PRRG1: variants seen among roughly 807,000 people sequenced by gnomAD.
PRRG1 encodes proline rich and Gla domain 1.
In PRRG1, 5 loss-of-function variants were observed where a neutral mutation model predicts 11.8. The observed-to-expected ratio is 0.42, with a 90% CI of 0.22 to 0.89. PRRG1 has a LOEUF of 0.89. PRRG1 is among the 40% of genes least tolerant of loss of function. The pLI, the probability that PRRG1 is intolerant of heterozygous loss-of-function variation, is 0.28. For missense variants in PRRG1, 155 were observed against 166.1 expected, an observed-to-expected ratio of 0.93 and a Z score of 0.37; for synonymous variants, 66 against 60.4, an observed-to-expected ratio of 1.09 and a Z score of -0.43.
At chrX:37,431,505 A>G (rs1220222126) in intron 3 of PRRG1, among the ~76,000 whole-genome samples, 2 of 111,474 alleles carry the variant, frequency 1.8e-5, no homozygotes, top group African/African-American at 3.3e-5. Context: ...CATGATATTG[A>G]ACATCTTTTT....
chrX:37,445,847 C>T, intron 3 of PRRG1, among the ~76,000 whole-genome samples: 1 of 112,689 alleles, frequency 8.9e-6, no homozygotes, highest in Non-Finnish European at 1.9e-5. Flanking sequence ...AGAACAGATG[C>T]ATGGCCGTTG....
chrX:37,449,995 G>T (rs1569450361), intron 3 of PRRG1, among the ~76,000 whole-genome samples: 1 of 112,412 alleles, frequency 8.9e-6, no homozygotes, highest in African/African-American at 3.2e-5. Context: ...CTGGCCTAAA[G>T]GACATATCAG....
At chrX:37,430,603 TCATGCATG>T (rs1394700671) in intron 3 of PRRG1, among the ~76,000 whole-genome samples, 6 of 111,872 alleles carry the variant, frequency 5.4e-5, no homozygotes, top group Non-Finnish European at 9.4e-5. Flanking sequence ...TTATATTCAT[TCATGCATG>T]CATGCATGCA....
chrX:37,441,813 G>T, intron 3 of PRRG1: 1 of 785,801 alleles, frequency 1.3e-6, no homozygotes, highest in African/African-American at 2.2e-5. Context: ...GGGAGAGCAG[G>T]CTCGAGGCCA....
chrX:37,397,678 G>C (rs1465486055), intron 1 of PRRG1, among the ~76,000 whole-genome samples: 1 of 111,715 alleles, frequency 9.0e-6, no homozygotes, highest in Non-Finnish European at 1.9e-5. Context: ...GAAAAGAGCA[G>C]AGGCAAAGAG....
chrX:37,403,629 T>A (rs1932098107), intron 1 of PRRG1: 1 of 386,346 alleles, frequency 2.6e-6, no homozygotes, highest in African/African-American at 3.4e-5. Flanking sequence ...TAAAGTATAA[T>A]AATAATAAAA....
At chrX:37,373,380 T>G (rs1556371310) in intron 1 of PRRG1, among the ~76,000 whole-genome samples, 1 of 112,138 alleles carries the variant, frequency 8.9e-6, no homozygotes, top group African/African-American at 3.2e-5. Context: ...TAGATTGCTT[T>G]GGGTGGCAAG....
chrX:37,389,068 A>G (rs1251534967), intron 1 of PRRG1, among the ~76,000 whole-genome samples: 2 of 111,810 alleles, frequency 1.8e-5, no homozygotes, highest in Non-Finnish European at 3.8e-5. Flanking sequence ...TGGGGGTACA[A>G]TTCAGTCAAA....
chrX:37,362,876 G>A (rs1930458710), intron 1 of PRRG1, among the ~76,000 whole-genome samples: 1 of 111,211 alleles, frequency 9.0e-6, no homozygotes, highest in Admixed American at 9.5e-5. Context: ...GTTAAAATGG[G>A]ATTTTGTTTT....
chrX:37,442,134 C>T (rs1257246598), intron 3 of PRRG1: 18 of 755,934 alleles, frequency 2.4e-5, no homozygotes, highest in South Asian at 6.7e-5. Context: ...CAGGCGGGGG[C>T]GTGCATGTTG....
chrX:37,426,150 T>A (rs922953759), intron 3 of PRRG1, 150 bp downstream of exon 3: 48 of 622,526 alleles, frequency 7.7e-5, no homozygotes, highest in Non-Finnish European at 1.1e-4. Context: ...AGTAATATTC[T>A]GTGGGTTGGA....
At chrX:37,377,542 G>C (rs1931014107) in intron 1 of PRRG1, among the ~76,000 whole-genome samples, 1 of 111,736 alleles carries the variant, frequency 8.9e-6, no homozygotes, top group African/African-American at 3.2e-5. Flanking sequence ...TTGACTTTTA[G>C]CCCATTATCC....
intron 3 of PRRG1, among the ~76,000 whole-genome samples, chrX:37,442,788 G>A (rs1057291177): frequency 9.0e-6 from 1 of 111,401 alleles, no homozygotes; most frequent in Admixed American, 9.5e-5. Context: ...GTGATAATGG[G>A]ACTGAGCCTT....
At chrX:37,434,815 A>G (rs1932867796) in intron 3 of PRRG1, among the ~76,000 whole-genome samples, 2 of 111,976 alleles carry the variant, frequency 1.8e-5, no homozygotes, top group Admixed American at 1.9e-4. Context: ...TCTTCTCTCT[A>G]TGAGACTATG....
chrX:37,366,032 G>T (rs192760923), intron 1 of PRRG1, among the ~76,000 whole-genome samples: 1 of 112,382 alleles, frequency 8.9e-6, no homozygotes, highest in African/African-American at 3.2e-5. Flanking sequence ...AGTCTCAGCC[G>T]AGACTGCAAA....
Position 37,406,254 on chromosome X carries a change from G to A in PRRG1, c.5G>A (p.Gly2Glu), listed in dbSNP as rs1227251752. The A allele has an allele frequency of 2.5e-6, 3 of 1,204,953 alleles. No homozygotes were observed. The highest frequency in any genetic ancestry group is 3.4e-6 in the Non-Finnish European group (3 of 891,274). The change falls in exon 2 of 4, where the codon GGG becomes GAG. Residue 2 changes from glycine (G) to glutamate (E), a missense_variant. Physicochemically the swap from Gly to Glu is moderately conservative, Grantham distance 98. Transcript: ENST00000378628. M[G>E]RVFLTGEKAN... is the part of the protein sequence containing the mutation. ...TGCCAGAAACCACAAGAAAACATGG[G>A]GAGGGGTAAGTTTCTCTTCCTTTTT...
chrX:37,450,213 G>A (rs1277488164), intron 3 of PRRG1, among the ~76,000 whole-genome samples: 2 of 112,175 alleles, frequency 1.8e-5, no homozygotes, highest in African/African-American at 6.5e-5. Flanking sequence ...GGTGCCAGAT[G>A]TCTTGGATTG....
chrX:37,435,711 A>G (rs1306902598), intron 3 of PRRG1, among the ~76,000 whole-genome samples: 1 of 111,422 alleles, frequency 9.0e-6, no homozygotes, highest in African/African-American at 3.3e-5. Flanking sequence ...ACTACTATCA[A>G]AACAGTCAAG....
intron 3 of PRRG1, among the ~76,000 whole-genome samples, chrX:37,439,335 T>C (rs1932933117): frequency 8.9e-6 from 1 of 112,483 alleles, no homozygotes; most frequent in Admixed American, 9.4e-5. Flanking sequence ...AAGGCTGCCT[T>C]TTCATTCCAT....
Sources: gnomAD v4.1 joint callset for allele counts (sites outside exome capture counted in the v4.1 genomes callset) on GRCh38, gnomAD v4.1.1 for gene constraint, MANE v1.5 for transcripts, NCBI Gene and HGNC (gene_info 2026-07-23, HGNC 2026-07-21) for gene names.